CSMD1: variants seen among roughly 807,000 people sequenced by gnomAD.
The protein encoded by CSMD1 is CUB and Sushi multiple domains 1.
CSMD1 carries 213 observed loss-of-function variants against 417.5 expected under a neutral mutation model. The observed-to-expected ratio is 0.51, with a 90% confidence interval of 0.46 to 0.57. The LOEUF (loss-of-function observed/expected upper bound fraction) is 0.57, where lower values mean the gene tolerates loss of function less well. Among genes scored for constraint, CSMD1 ranks in the 20% least tolerant of loss-of-function variants. The pLI is 0.00. For synonymous variants in CSMD1, 2,862 were observed against 1,736.8 expected, an observed-to-expected ratio of 1.65 and a Z score of -16.11; for missense variants, 6,923 against 4,529.7, an observed-to-expected ratio of 1.53 and a Z score of -15.17.
intron 5 of CSMD1, among the ~76,000 whole-genome samples, chr8:3,776,763 C>G (rs548950337): frequency 2.2e-5 from 3 of 136,432 alleles, no homozygotes; most frequent in African/African-American, 9.2e-5. Context: ...AAAAAAGATA[C>G]AGAGATGATA....
chr8:3,306,052 ATTG>A (rs950615944), intron 25 of CSMD1, among the ~76,000 whole-genome samples: 1 of 152,060 alleles, frequency 6.6e-6, no homozygotes, highest in African/African-American at 2.4e-5. Context: ...ATATGCTTTA[ATTG>A]TTGTTCTTGC....
chr8:3,478,858 GA>G (rs1817575520), intron 11 of CSMD1, among the ~76,000 whole-genome samples: 2 of 152,148 alleles, frequency 1.3e-5, no homozygotes, highest in African/African-American at 2.4e-5. Context: ...CTATATAAAT[GA>G]TCTCACCTGG....
Position 3,308,399 on chromosome 8 carries a change from G to C in CSMD1, c.3736C>G (p.Pro1246Ala), listed in dbSNP as rs1051419952. ...TTGCTGCCATGCATGGCGTACCCCG[G>C]GTTGCAACTGTACAGAACTACAGTG... is the stretch of plus-strand genomic sequence containing the variant. ...TDTVVLYSCN[P>A]GYAMHGSNTL... The change falls in exon 24 of 70, where the codon CCG (proline) becomes GCG (alanine). Residue 1246 changes from proline to alanine, a missense_variant. Pro to Ala is a conservative substitution (Grantham distance 27, BLOSUM62 -1). Coordinates refer to ENST00000635120, the MANE Select transcript of CSMD1 (RefSeq NM_033225.6). The C allele has an allele frequency of 6.2e-7, 1 of 1,613,828 alleles. No homozygotes were observed. Among genetic ancestry groups the C allele is most frequent in the Non-Finnish European group, 8.5e-7 (1 of 1,179,832 alleles).
intron 5 of CSMD1, among the ~76,000 whole-genome samples, chr8:3,959,090 C>T (rs772071982): frequency 6.6e-5 from 10 of 152,202 alleles, no homozygotes; most frequent in Non-Finnish European, 1.0e-4. Context: ...CTCTTAACAA[C>T]GCCTCTGTCA....
intron 5 of CSMD1, among the ~76,000 whole-genome samples, chr8:3,961,736 G>A (rs555973764): frequency 1.5e-4 from 23 of 152,318 alleles, no homozygotes; most frequent in African/African-American, 4.8e-4. Context: ...TCCTGCGTAT[G>A]TAGTAAAGCC....
At chr8:3,577,808 C>T (rs1563168994) in intron 9 of CSMD1, among the ~76,000 whole-genome samples, 2 of 152,130 alleles carry the variant, frequency 1.3e-5, no homozygotes, top group Non-Finnish European at 2.9e-5. Flanking sequence ...CTATTTGGCT[C>T]GTTATGATTT....
chr8:4,269,508 T>C (rs1411306061), intron 3 of CSMD1, among the ~76,000 whole-genome samples: 1 of 152,192 alleles, frequency 6.6e-6, no homozygotes, highest in Non-Finnish European at 1.5e-5. Flanking sequence ...GGGAAGCATG[T>C]TTTTATCTAA....
At chr8:2,948,142 T>C (rs1802380122) in intron 68 of CSMD1, among the ~76,000 whole-genome samples, 1 of 152,092 alleles carries the variant, frequency 6.6e-6, no homozygotes. Flanking sequence ...AGGAGAAATA[T>C]GGTGCCAAGG....
chr8:3,310,524 G>GCTAT (rs1563257908), intron 23 of CSMD1, among the ~76,000 whole-genome samples: 1 of 152,136 alleles, frequency 6.6e-6, no homozygotes, highest in Non-Finnish European at 1.5e-5. Flanking sequence ...AAAATCTTGC[G>GCTAT]CTATCTTGAA....
chr8:3,261,774 C>G (rs145226831), intron 26 of CSMD1, among the ~76,000 whole-genome samples: 10 of 152,184 alleles, frequency 6.6e-5, no homozygotes, highest in African/African-American at 2.4e-4. Context: ...CTGATTCCCT[C>G]CACAGCACAT....
intron 2 of CSMD1, among the ~76,000 whole-genome samples, chr8:4,564,062 T>A (rs143679059): frequency 3.3e-5 from 5 of 152,278 alleles, no homozygotes; most frequent in African/African-American, 1.2e-4. Context: ...TCCTAGCATA[T>A]CTTAAGTATG....
chr8:4,256,199 G>A (rs1373956823), intron 3 of CSMD1, among the ~76,000 whole-genome samples: 1 of 152,144 alleles, frequency 6.6e-6, no homozygotes, highest in Non-Finnish European at 1.5e-5. Context: ...TTTGTGATTT[G>A]TCCTTACTCA....
chr8:2,997,493 T>G (rs905443005), intron 54 of CSMD1, among the ~76,000 whole-genome samples: 1 of 152,158 alleles, frequency 6.6e-6, no homozygotes, highest in Admixed American at 6.5e-5. Context: ...AAGAGTGATG[T>G]TGTAATGGAA....
At chr8:3,993,585 T>C (rs1261067154) in intron 5 of CSMD1, among the ~76,000 whole-genome samples, 1 of 152,222 alleles carries the variant, frequency 6.6e-6, no homozygotes, top group African/African-American at 2.4e-5. Flanking sequence ...TACAAAACTG[T>C]CACCCCAGAG....
Position 2,978,799 on chromosome 8 carries a change from C to A in CSMD1, c.8379G>T (p.Val2793=), listed in dbSNP as rs1228949792. The change falls in exon 55 of 70, where the codon GTG becomes GTT. Residue 2793 remains valine, a splice_region_variant and synonymous_variant. Transcript: ENST00000635120. ...QWSSPLPTCR[V]VNCSDPGFVE... ...CAAAGCCTGGATCAGAACAGTTCACCACTAGAAAATAAAACATTTCACACA... is the reference window on the plus strand; with the variant it reads ...CAAAGCCTGGATCAGAACAGTTCACAACTAGAAAATAAAACATTTCACACA... The A allele has an allele frequency of 1.3e-6, 2 of 1,596,006 alleles. No individual in the cohort carries two copies. The highest frequency in any genetic ancestry group is 1.7e-6 in the Non-Finnish European group (2 of 1,171,968).
chr8:3,683,380 G>T (rs562894994), intron 7 of CSMD1, among the ~76,000 whole-genome samples: 2 of 151,998 alleles, frequency 1.3e-5, no homozygotes, highest in East Asian at 1.9e-4. Context: ...TTTATTCTGG[G>T]CACTGCATCC....
At chr8:4,378,791 G>T (rs1290192582) in intron 3 of CSMD1, among the ~76,000 whole-genome samples, 1 of 152,164 alleles carries the variant, frequency 6.6e-6, no homozygotes, top group Non-Finnish European at 1.5e-5. Flanking sequence ...TACTGCCCTT[G>T]TAAGACGTCA....
intron 3 of CSMD1, among the ~76,000 whole-genome samples, chr8:4,032,489 T>C (rs1797400251): frequency 6.6e-6 from 1 of 152,218 alleles, no homozygotes. Flanking sequence ...AACAGTGGCA[T>C]AAGAAATACT....
At chr8:3,337,477 C>A (rs1022831432) in intron 23 of CSMD1, among the ~76,000 whole-genome samples, 6 of 152,108 alleles carry the variant, frequency 3.9e-5, no homozygotes, top group African/African-American at 1.4e-4. Flanking sequence ...CTTCAAAGAT[C>A]TCTTTGCGGT....
Sources: allele counts gnomAD v4.1 joint callset (sites outside exome capture counted in the v4.1 genomes callset), GRCh38; gene constraint gnomAD v4.1.1; transcripts MANE v1.5; gene names NCBI Gene and HGNC (gene_info 2026-07-23, HGNC 2026-07-21).